RARB: variants seen among roughly 807,000 people sequenced by gnomAD.
RARB encodes the protein HBV-activated protein.
In RARB, 17 loss-of-function variants were observed where a neutral mutation model predicts 51.9. The ratio of observed to expected loss-of-function variants is 0.33; its 90% CI spans 0.22 to 0.49. The LOEUF is 0.49. RARB is among the 20% of genes least tolerant of loss of function. The pLI is 0.99. For missense variants in RARB, 369 were observed against 550.8 expected (o/e 0.67, Z 3.30); for synonymous variants, 215 against 195.4 (o/e 1.10, Z -0.84).
intron 5 of RARB, among the ~76,000 whole-genome samples, chr3:25,202,178 A>G (rs4533613): frequency 0.81 from 122,742 of 152,020 alleles, 49,732 homozygotes; most frequent in Admixed American, 0.85. Context: ...TGTATGTGTC[A>G]AGGAATTTAT....
At chr3:25,275,657 T>A (rs1015381122) in intron 5 of RARB, among the ~76,000 whole-genome samples, 2 of 152,088 alleles carry the variant, frequency 1.3e-5, no homozygotes, top group African/African-American at 2.4e-5. Flanking sequence ...CCCATCTTGG[T>A]CATAGCTGAA....
chr3:25,054,803 G>A (rs1296300612), intron 2 of RARB, among the ~76,000 whole-genome samples: 1 of 152,184 alleles, frequency 6.6e-6, no homozygotes, highest in African/African-American at 2.4e-5. Context: ...GATTATTTAT[G>A]TGCTACCACT....
chr3:24,861,757 T>C lies in RARB; in HGVS notation c.-380+3005T>C, dbSNP rs1309798408. 3.5e-4 allele frequency among the ~76,000 whole-genome samples: 54 copies of C among 152,186 alleles called. 2 individuals carry two copies. The highest frequency in any genetic ancestry group is 3.5e-3 in the Admixed American group (53 of 15,280). ...CAAGCTGCAGTGATATCACACGTCATGTAGCCTCTGGAAAACTGCACTGTA... is the reference window on the plus strand; with the variant it reads ...CAAGCTGCAGTGATATCACACGTCACGTAGCCTCTGGAAAACTGCACTGTA... On this transcript the variant is annotated intron_variant, in intron 2 of 11. Coordinates refer to the RARB transcript ENST00000383772.
At chr3:25,137,618 T>C (rs951787302) in intron 4 of RARB, among the ~76,000 whole-genome samples, 1 of 152,148 alleles carries the variant, frequency 6.6e-6, no homozygotes, top group African/African-American at 2.4e-5. Context: ...TCTTATTGAA[T>C]TTAACTGTAA....
chr3:25,063,380 A>C (rs548543079), intron 3 of RARB, among the ~76,000 whole-genome samples: 1 of 152,036 alleles, frequency 6.6e-6, no homozygotes, highest in Non-Finnish European at 1.5e-5. Context: ...AGCTTTCCTT[A>C]AGCCATGCCT....
At chr3:24,837,811 G>GT (rs1702363292) in intron 1 of RARB, among the ~76,000 whole-genome samples, 1 of 152,144 alleles carries the variant, frequency 6.6e-6, no homozygotes, top group Non-Finnish European at 1.5e-5. Context: ...GCATTCTGAG[G>GT]TTTTCTGATA....
chr3:25,020,169 G>A (rs1277581142), intron 2 of RARB: 1 of 149,780 alleles, frequency 6.7e-6, no homozygotes, highest in East Asian at 2.0e-4. Flanking sequence ...ATTTGAGAGA[G>A]GTGGGTTCTC....
At chr3:24,871,302 C>T (rs192999072) in intron 2 of RARB, among the ~76,000 whole-genome samples, 8 of 152,156 alleles carry the variant, frequency 5.3e-5, no homozygotes, top group Admixed American at 2.0e-4. Context: ...TATATTGAGA[C>T]GACATAGTTT....
At chr3:25,042,347 T>A (rs1447203322) in intron 2 of RARB, among the ~76,000 whole-genome samples, 3 of 152,196 alleles carry the variant, frequency 2.0e-5, no homozygotes, top group Non-Finnish European at 4.4e-5. Flanking sequence ...GGAATGTAGA[T>A]TAACTTCTGA....
chr3:25,128,419 T>A (rs1699894390), intron 3 of RARB, among the ~76,000 whole-genome samples: 1 of 148,848 alleles, frequency 6.7e-6, no homozygotes, highest in Non-Finnish European at 1.5e-5. Context: ...TTATACAAAA[T>A]TATATTTTAT....
At chr3:24,964,150 C>T (rs1486020370) in intron 2 of RARB, among the ~76,000 whole-genome samples, 1 of 151,742 alleles carries the variant, frequency 6.6e-6, no homozygotes, top group East Asian at 1.9e-4. Flanking sequence ...ACCCCACATA[C>T]TGTATAAGGT....
intron 4 of RARB, among the ~76,000 whole-genome samples, chr3:25,575,026 C>T (rs1442470077): frequency 6.6e-6 from 1 of 152,116 alleles, no homozygotes; most frequent in African/African-American, 2.4e-5. Context: ...CCTGTGCTGC[C>T]AGTATCACCC....
intron 2 of RARB, among the ~76,000 whole-genome samples, chr3:25,470,229 A>G (rs7620980): frequency 0.079 from 12,051 of 152,238 alleles, 866 homozygotes; most frequent in African/African-American, 0.2. Context: ...GGAAGGGAGG[A>G]AAACAAAAAG....
chr3:24,871,181 T>G (rs1384332369), intron 2 of RARB, among the ~76,000 whole-genome samples: 2 of 152,154 alleles, frequency 1.3e-5, no homozygotes, highest in Non-Finnish European at 2.9e-5. Flanking sequence ...CCAGCATGTT[T>G]GAAGTTTTTT....
At chr3:25,041,297 A>G (rs1479080245) in intron 2 of RARB, among the ~76,000 whole-genome samples, 1 of 152,106 alleles carries the variant, frequency 6.6e-6, no homozygotes, top group Non-Finnish European at 1.5e-5. Context: ...ATATTTGATG[A>G]ATTTTTCTAC....
chr3:25,207,825 A>G (rs1701588718), intron 5 of RARB, among the ~76,000 whole-genome samples: 1 of 152,206 alleles, frequency 6.6e-6, no homozygotes, highest in Non-Finnish European at 1.5e-5. Flanking sequence ...GAGTTGCTAC[A>G]AAGGAACAAC....
chr3:25,058,636 G>A (rs141735759), intron 2 of RARB, among the ~76,000 whole-genome samples: 179 of 151,618 alleles, frequency 1.2e-3, no homozygotes, highest in Middle Eastern at 0.01. Flanking sequence ...AATAAGAGGG[G>A]CATGAGTGGG....
intron 3 of RARB, among the ~76,000 whole-genome samples, chr3:25,508,894 T>TAAAA (rs11369682): frequency 1.4e-5 from 2 of 146,784 alleles, no homozygotes; most frequent in Admixed American, 6.8e-5. Flanking sequence ...TTAGGAGATT[T>TAAAA]AAAAAAAAAA....
rs1701896927 is a variant in RARB at position 25,597,481 on chromosome 3, G to A, written c.*865G>A. 6.6e-6 allele frequency: 1 copy of A among 152,462 alleles called. No homozygotes were observed. The highest frequency in any genetic ancestry group is 1.5e-5 in the Non-Finnish European group (1 of 67,990). 9.4% of individuals were successfully genotyped at this position (152,462 alleles called of 1,614,324 possible). A position where few individuals can be genotyped will look rare whatever the true frequency, so the allele number is the denominator to read the frequency against. ...AAACACTTTTCAGTGTTAAGTTTTT[G>A]TTTACTTGTTCACAAGCCATTAGGG... On this transcript the variant is annotated 3_prime_UTR_variant, in exon 8 of 8. Coordinates refer to ENST00000330688, the MANE Select transcript of RARB (RefSeq NM_000965.5).
Sources: allele counts gnomAD v4.1 joint callset (sites outside exome capture counted in the v4.1 genomes callset), GRCh38; gene constraint gnomAD v4.1.1; transcripts MANE v1.5; gene names NCBI Gene and HGNC (gene_info 2026-07-23, HGNC 2026-07-21).